The following RUNDC3B variants were observed in gnomAD, a reference collection of about 807,000 sequenced individuals.
The protein encoded by RUNDC3B is RUN domain-containing protein 3B.
Under a neutral mutation model 58.4 loss-of-function variants are expected in RUNDC3B, and 33 were observed. The observed-to-expected ratio is 0.56, with a 90% CI of 0.43 to 0.75. RUNDC3B has a LOEUF of 0.75. Among genes scored for constraint, RUNDC3B ranks in the 30% least tolerant of loss-of-function variants. The pLI, the probability that RUNDC3B is intolerant of heterozygous loss-of-function variation, is 0.00. For synonymous variants in RUNDC3B, 193 were observed against 195.2 expected (o/e 0.99, Z 0.10); for missense variants, 501 against 535.7 (o/e 0.94, Z 0.64).
chr7:87,744,005 G>A (rs1427069371), intron 6 of RUNDC3B, among the ~76,000 whole-genome samples: 2 of 152,142 alleles, frequency 1.3e-5, no homozygotes, highest in East Asian at 1.9e-4. Context: ...GAGAGATGAG[G>A]ATCCAATTTC....
intron 7 of RUNDC3B, among the ~76,000 whole-genome samples, chr7:87,776,596 A>G (rs781764860): frequency 1.6e-4 from 25 of 152,058 alleles, no homozygotes; most frequent in Non-Finnish European, 3.4e-4. Flanking sequence ...CTTTTAAAGT[A>G]TTGGTGATTA....
chr7:87,685,939 A>G (rs903544008), intron 2 of RUNDC3B, among the ~76,000 whole-genome samples: 128 of 152,326 alleles, frequency 8.4e-4, no homozygotes, highest in African/African-American at 2.9e-3. Context: ...AGAAAGCTGG[A>G]CAATTTGTCA....
chr7:87,636,342 T>C (rs1821771149), intron 1 of RUNDC3B, among the ~76,000 whole-genome samples: 4 of 152,238 alleles, frequency 2.6e-5, no homozygotes, highest in African/African-American at 9.6e-5. Context: ...CAAGCACCTT[T>C]CCGTAAGTCT....
intron 4 of RUNDC3B, among the ~76,000 whole-genome samples, chr7:87,711,813 A>G (rs570353022): frequency 1.3e-5 from 2 of 152,264 alleles, no homozygotes; most frequent in East Asian, 1.9e-4. Context: ...AGAAGGTTCT[A>G]TTGGTCGGAG....
At chr7:87,717,782 A>C (rs1019156219) in intron 4 of RUNDC3B, among the ~76,000 whole-genome samples, 3 of 152,148 alleles carry the variant, frequency 2.0e-5, no homozygotes, top group Admixed American at 6.6e-5. Flanking sequence ...AATGATTTTG[A>C]AAATTTTTGC....
intron 9 of RUNDC3B, among the ~76,000 whole-genome samples, chr7:87,811,374 G>A (rs374174168): frequency 9.4e-5 from 14 of 149,206 alleles, no homozygotes; most frequent in African/African-American, 2.5e-4. Flanking sequence ...TCACTCTGTC[G>A]CCAGGCTAGA....
chr7:87,641,234 G>A (rs1305660833), intron 1 of RUNDC3B, among the ~76,000 whole-genome samples: 1 of 152,174 alleles, frequency 6.6e-6, no homozygotes, highest in Non-Finnish European at 1.5e-5. Flanking sequence ...ATAGACCACA[G>A]TGGAGTAAAC....
At chr7:87,814,741 ATTTTC>A (rs1158096418) in intron 9 of RUNDC3B, among the ~76,000 whole-genome samples, 1 of 152,152 alleles carries the variant, frequency 6.6e-6, no homozygotes, top group Non-Finnish European at 1.5e-5. Context: ...CAATAGTAGA[ATTTTC>A]TGGTAGTTAA....
chr7:87,715,177 GAAATAT>G (rs1414222523), intron 4 of RUNDC3B, among the ~76,000 whole-genome samples: 1 of 139,502 alleles, frequency 7.2e-6, no homozygotes, highest in African/African-American at 2.7e-5. Flanking sequence ...AAGGATGAGG[GAAATAT>G]AAATATTATA....
chr7:87,758,412 T>C (rs1236610637), intron 6 of RUNDC3B, among the ~76,000 whole-genome samples: 2 of 152,128 alleles, frequency 1.3e-5, no homozygotes, highest in East Asian at 1.9e-4. Flanking sequence ...TTGATTGGCC[T>C]GAGCAAAGAT....
chr7:87,693,174 A>G lies in RUNDC3B; in HGVS notation c.239-7247A>G, dbSNP rs539675496. 4.6e-5 allele frequency among the ~76,000 whole-genome samples: 7 copies of G among 152,022 alleles called. No homozygotes were observed. In the South Asian group the frequency reaches 1.5e-3, roughly 32 times the overall value. On this transcript the variant is annotated intron_variant, in intron 2 of 10. Coordinates refer to ENST00000394654, the MANE Select transcript of RUNDC3B (RefSeq NM_001134405.2). ...GTTTTCCCATATTGTTATACTAGCA[A>G]TTTCTGAAAAATATAGCAGAAATTT... is the stretch of plus-strand genomic sequence containing the variant.
At chr7:87,691,229 A>C (rs1827988558) in intron 2 of RUNDC3B, among the ~76,000 whole-genome samples, 2 of 152,304 alleles carry the variant, frequency 1.3e-5, no homozygotes, top group South Asian at 4.1e-4. Context: ...AAAATTATGA[A>C]TCAATTATTT....
chr7:87,684,319 A>G (rs1827225854), intron 2 of RUNDC3B, among the ~76,000 whole-genome samples: 1 of 152,184 alleles, frequency 6.6e-6, no homozygotes, highest in Non-Finnish European at 1.5e-5. Context: ...TTTTGTAGAT[A>G]TAAAACTTAC....
chr7:87,665,783 C>T (rs949365576), intron 2 of RUNDC3B, among the ~76,000 whole-genome samples: 17 of 152,076 alleles, frequency 1.1e-4, no homozygotes, highest in South Asian at 6.2e-4. Flanking sequence ...CAAGTGATAA[C>T]GTGTGATATT....
intron 1 of RUNDC3B, among the ~76,000 whole-genome samples, chr7:87,647,990 C>G (rs1463358305): frequency 6.6e-6 from 1 of 151,952 alleles, no homozygotes; most frequent in African/African-American, 2.4e-5. Context: ...CGAGACCATC[C>G]TGGCTAACAT....
At chr7:87,691,135 TATTC>T (rs1827980869) in intron 2 of RUNDC3B, among the ~76,000 whole-genome samples, 1 of 152,080 alleles carries the variant, frequency 6.6e-6, no homozygotes, top group African/African-American at 2.4e-5. Context: ...ATTAGAAACA[TATTC>T]AGTCTTATCA....
intron 10 of RUNDC3B, among the ~76,000 whole-genome samples, chr7:87,820,590 G>C (rs1376625080): frequency 4.0e-5 from 6 of 151,014 alleles, no homozygotes; most frequent in Non-Finnish European, 8.8e-5. Context: ...AACCAAAAAA[G>C]AGAATTCTAG....
intron 9 of RUNDC3B, among the ~76,000 whole-genome samples, chr7:87,809,214 A>AT (rs1159632938): frequency 6.6e-6 from 1 of 152,140 alleles, no homozygotes; most frequent in East Asian, 1.9e-4. Flanking sequence ...ATGGATCTAG[A>AT]TTTTATACTT....
At chr7:87,721,133 A>T (rs1830864416) in intron 4 of RUNDC3B, among the ~76,000 whole-genome samples, 1 of 150,892 alleles carries the variant, frequency 6.6e-6, no homozygotes, top group South Asian at 2.1e-4. Flanking sequence ...ATAGAGTATG[A>T]TTATATTATA....
Sources: allele counts gnomAD v4.1 joint callset (sites outside exome capture counted in the v4.1 genomes callset), GRCh38; gene constraint gnomAD v4.1.1; transcripts MANE v1.5; gene names NCBI Gene and HGNC (gene_info 2026-07-23, HGNC 2026-07-21).